The following SMPD3 variants were observed in gnomAD, a reference collection of about 807,000 sequenced individuals.
The protein encoded by SMPD3 is sphingomyelin phosphodiesterase 3, also known as nSMase-2.
A neutral mutation model predicts 55.7 loss-of-function variants in SMPD3; 21 were observed. The ratio of observed to expected loss-of-function variants is 0.38; its 90% confidence interval spans 0.27 to 0.54. The LOEUF (loss-of-function observed/expected upper bound fraction) is 0.54. Ranked by LOEUF, SMPD3 falls within the 20% of genes least tolerant of loss-of-function variation. SMPD3 has a pLI of 0.80. For synonymous variants in SMPD3, 457 were observed against 404.3 expected (o/e 1.13, Z -1.56); for missense variants, 842 against 899.6 (o/e 0.94, Z 0.82).
rs2089676858 is a variant in SMPD3 at position 68,371,733 on chromosome 16, C to T, written c.449G>A (p.Arg150Gln). 1 of 1,604,076 alleles carries T rather than the reference C, an allele frequency of 6.2e-7. No individual in the cohort carries two copies. The highest frequency in any genetic ancestry group is 8.5e-7 in the Non-Finnish European group (1 of 1,173,916). ...RVNNLFNTQARAKEIGQRIRN... is the reference protein window; with the variant it reads ...RVNNLFNTQAQAKEIGQRIRN... ...GATTCTCTGCCCGATCTCCTTGGCC[C>T]GCGCTTGGGTGTTAAAAAGGTTGTT... The change falls in exon 3 of 9, where the codon CGG becomes CAG. Residue 150 changes from arginine (R) to glutamine (Q), a missense_variant. Around this residue, in one of 2 missense-constraint regions of SMPD3, gnomAD observed 193 missense variants for 256.0 expected, o/e 0.75. Transcript: ENST00000219334.
At chr16:68,362,330 C>T (rs113245966) in intron 7 of SMPD3, among the ~76,000 whole-genome samples, 20 of 152,338 alleles carry the variant, frequency 1.3e-4, no homozygotes, top group Admixed American at 3.9e-4. Context: ...GCTGTCATCC[C>T]GCTTCTGAGT....
chr16:68,445,387 G>A (rs1276225711), intron 1 of SMPD3, among the ~76,000 whole-genome samples: 1 of 152,136 alleles, frequency 6.6e-6, no homozygotes, highest in Non-Finnish European at 1.5e-5. Flanking sequence ...ACCTTCCACT[G>A]GTCAGAAACT....
At chr16:68,394,839 G>A (rs933352324) in intron 1 of SMPD3, among the ~76,000 whole-genome samples, 2 of 152,268 alleles carry the variant, frequency 1.3e-5, no homozygotes, top group Non-Finnish European at 2.9e-5. Context: ...AGGCAGAGCT[G>A]GAGATACAGA....
intron 1 of SMPD3, among the ~76,000 whole-genome samples, chr16:68,439,883 A>T (rs1326418814): frequency 1.3e-5 from 2 of 152,250 alleles, no homozygotes; most frequent in East Asian, 3.8e-4. Context: ...TCTTTTTAAA[A>T]GCAAAGCTAC....
Position 68,372,409 on chromosome 16 carries a change from G to A in SMPD3, c.-206-22C>T, listed in dbSNP as rs1304941771. 1.0e-5 allele frequency: 6 copies of A among 598,428 alleles called. No homozygotes were observed. The East Asian group carries it at 1.1e-4, about 11-fold the overall frequency. 37.1% of individuals were successfully genotyped at this position (598,428 alleles called of 1,614,324 possible). On this transcript the variant is annotated intron_variant, in intron 2 of 8. Transcript: ENST00000219334. ...GACCCTGCAGAGACAAAAGTAGGGG[G>A]ACTGTTTTTAGTGATCTTCAGGGGA...
Position 68,360,202 on chromosome 16 carries a change from C to T in SMPD3, c.*1004G>A, listed in dbSNP as rs1000886459. 6.6e-6 allele frequency: 1 copy of T among 152,538 alleles called. No homozygotes were observed. The highest frequency in any genetic ancestry group is 1.5e-5 in the Non-Finnish European group (1 of 68,072). 9.4% of individuals were successfully genotyped at this position (152,538 alleles called of 1,614,324 possible). A position where few individuals can be genotyped will look rare whatever the true frequency, so the allele number is the denominator to read the frequency against. On this transcript the variant is annotated 3_prime_UTR_variant, in exon 9 of 9. Coordinates refer to ENST00000219334, the MANE Select transcript of SMPD3 (RefSeq NM_018667.4). ...GCACGTCCCCAGGGAGGGATTGGTC[C>T]CGAACCAGAGAGGTGTCCCGTGGGG...
In SMPD3 at chr16:68,371,823, G is replaced by A. The variant is rs1444524705; in HGVS notation, c.359C>T (p.Pro120Leu). The A allele has an allele frequency of 6.2e-7, 1 of 1,605,632 alleles. No homozygotes were observed. Among genetic ancestry groups the A allele is most frequent in the African/African-American group, 1.3e-5 (1 of 75,038 alleles). Residue 120 changes from proline to leucine, a missense_variant, in exon 3 of 9, where the codon CCT (proline) becomes CTT (leucine). Pro to Leu is a moderately conservative substitution (Grantham distance 98, BLOSUM62 -3). This residue lies in a region of SMPD3 where 193 missense variants were observed against 256.0 expected (regional missense o/e 0.75). Transcript: ENST00000219334. ...AGTGGCAAAGCAGAAGCTTTTGCCAGGCCCCGTGCCCTTCCATTCACTGAG... is the reference window on the plus strand; with the variant it reads ...AGTGGCAAAGCAGAAGCTTTTGCCAAGCCCCGTGCCCTTCCATTCACTGAG... The part of the protein sequence containing the change: ...ALLSEWKGTG[P>L]GKSFCFATAN...
At chr16:68,374,541 G>A (rs1331488428) in intron 2 of SMPD3, among the ~76,000 whole-genome samples, 1 of 152,228 alleles carries the variant, frequency 6.6e-6, no homozygotes, top group Admixed American at 6.5e-5. Flanking sequence ...TGCGGCCAGT[G>A]CTCGTGGCTC....
intron 5 of SMPD3, chr16:68,364,453 G>A (rs554775466): frequency 3.2e-4 from 113 of 350,186 alleles, no homozygotes; most frequent in Admixed American, 4.9e-4. Flanking sequence ...AGAGCGCGGC[G>A]CCCCGTTGAT....
rs141462179 is a variant in SMPD3 at position 68,371,991 on chromosome 16, G to A, written c.191C>T (p.Thr64Met). ...CLQLLCTALF[T>M]PIYLALLVAS... Reference sequence around the variant, plus strand: ...CACCAGGAGGGCCAGGTAGATGGGCGTGAAGAGGGCAGTGCAGAGCAGCTG... The same window carrying A: ...CACCAGGAGGGCCAGGTAGATGGGCATGAAGAGGGCAGTGCAGAGCAGCTG... Residue 64 changes from threonine to methionine, a missense_variant, in exon 3 of 9, where the codon ACG (threonine) becomes ATG (methionine). By Grantham distance (81) the Thr-to-Met change is moderately conservative. Transcript: ENST00000219334. The A allele has an allele frequency of 1.7e-5, 27 of 1,611,862 alleles. No individual in the cohort carries two copies. In the Admixed American group the frequency reaches 2.0e-4, roughly 12 times the overall value.
chr16:68,377,161 G>T lies in SMPD3; in HGVS notation c.-206-4774C>A, dbSNP rs182042776. On this transcript the variant is annotated intron_variant, in intron 2 of 8. Transcript: ENST00000219334. ...CAGAGACATCAGCCACACTGCCTAG[G>T]CTGGAGCTGCTGGACTTCACTAGCT... Among the ~76,000 whole-genome samples the T allele has an allele frequency of 2.6e-4, 39 of 152,346 alleles. No individual in the cohort carries two copies. The East Asian group carries it at 6.9e-3, about 27-fold the overall frequency.
At chr16:68,430,357 T>C (rs2090469784) in intron 1 of SMPD3, among the ~76,000 whole-genome samples, 3 of 152,218 alleles carry the variant, frequency 2.0e-5, no homozygotes, top group Admixed American at 1.3e-4. Context: ...AGTCATGCTT[T>C]ATCGACTACA....
In SMPD3 at chr16:68,447,804, G is replaced by A. The variant is rs1039067451; in HGVS notation, c.-269+549C>T. ...ACCCTAGGGCCAAGGGAGGAGGGGG[G>A]AATAGGGAGGGGGGCGAGTGTGGAG... On this transcript the variant is annotated intron_variant, in intron 1 of 8. Transcript: ENST00000219334. This position sits in a 1 kb window ranked among gnomAD's most constrained non-coding sequence, Gnocchi z 5.1. Among the ~76,000 whole-genome samples, 9 of 152,112 alleles carry A rather than the reference G, an allele frequency of 5.9e-5. No individual in the cohort carries two copies. The highest frequency in any genetic ancestry group is 1.9e-4 in the African/African-American group (8 of 41,500).
At position 68,447,289 on chromosome 16, in the gene SMPD3, G is replaced by T. The variant is rs993042040; in HGVS notation, c.-269+1064C>A. 6.6e-6 allele frequency among the ~76,000 whole-genome samples: 1 copy of T among 152,222 alleles called. No individual in the cohort carries two copies. Among genetic ancestry groups the T allele is most frequent in the African/African-American group, 2.4e-5 (1 of 41,466 alleles). On this transcript the variant is annotated intron_variant, in intron 1 of 8. Coordinates refer to ENST00000219334, the MANE Select transcript of SMPD3 (RefSeq NM_018667.4). This position sits in a 1 kb window ranked among gnomAD's most constrained non-coding sequence, Gnocchi z 5.1. ...GCGGAGCAGCCCCCAAAGATTCGCG[G>T]GCACGAGGTTGGGGGTAGCGTCTAC...
chr16:68,394,204 G>A (rs529548777), intron 1 of SMPD3, among the ~76,000 whole-genome samples: 16 of 151,588 alleles, frequency 1.1e-4, no homozygotes, highest in Non-Finnish European at 1.2e-4. Flanking sequence ...TCATCCATTC[G>A]TCTCTCTCTT....
rs2089967619 is a variant in SMPD3, at chr16:68,382,371, G to A, written c.-207+4227C>T. On this transcript the variant is annotated intron_variant, in intron 2 of 8. Transcript: ENST00000219334. ...GTGGCTAGCTGACAGTGCACCCAGG[G>A]CTGGCAGGGGCAGGCTGGGCAGCAG... Among the ~76,000 whole-genome samples, 5 of 152,338 alleles carry A rather than the reference G, an allele frequency of 3.3e-5. 1 individual carries two copies. Among genetic ancestry groups the A allele is most frequent in the Non-Finnish European group, 5.9e-5 (4 of 68,032 alleles).
intron 1 of SMPD3, among the ~76,000 whole-genome samples, chr16:68,437,450 A>T (rs1285545949): frequency 6.6e-6 from 1 of 152,170 alleles, no homozygotes; most frequent in Non-Finnish European, 1.5e-5. Flanking sequence ...AGTGTTTGTC[A>T]TTTCTCATTA....
chr16:68,364,124 C>T (rs895651624), intron 5 of SMPD3, among the ~76,000 whole-genome samples: 7 of 152,208 alleles, frequency 4.6e-5, no homozygotes, highest in East Asian at 1.9e-4. Flanking sequence ...ACAGTGACCA[C>T]GGTCCTCGGA....
chr16:68,375,139 C>G (rs1309923846), intron 2 of SMPD3, among the ~76,000 whole-genome samples: 2 of 152,164 alleles, frequency 1.3e-5, no homozygotes, highest in African/African-American at 4.8e-5. Context: ...TGCCCTCAGC[C>G]TCAGCCACAG....
Sources: gnomAD v4.1 joint callset for allele counts (sites outside exome capture counted in the v4.1 genomes callset) on GRCh38, gnomAD v4.1.1 for gene constraint, gnomAD v4.1.1 regional missense constraint, Gnocchi (gnomAD v3.1) non-coding constraint, MANE v1.5 for transcripts, NCBI Gene and HGNC (gene_info 2026-07-23, HGNC 2026-07-21) for gene names.